BIRC6: variants seen among roughly 807,000 people sequenced by gnomAD.
BIRC6 encodes dual E2 ubiquitin-conjugating enzyme/E3 ubiquitin-protein ligase BIRC6.
Under a neutral mutation model 503.3 loss-of-function variants are expected in BIRC6, and 98 were observed. The ratio of observed to expected loss-of-function variants is 0.19; its 90% CI spans 0.17 to 0.23. The LOEUF (loss-of-function observed/expected upper bound fraction) is 0.23, where lower values mean the gene tolerates loss of function less well. Among genes scored for constraint, BIRC6 ranks in the 10% least tolerant of loss-of-function variants. The probability of loss-of-function intolerance (pLI) is 1.00; values close to 1 mark genes in which losing one functional copy is unlikely to be tolerated. For missense variants in BIRC6, 5,360 were observed against 5,806.0 expected (o/e 0.92, Z 2.50); for synonymous variants, 2,240 against 2,078.7 (o/e 1.08, Z -2.11).
Position 32,545,866 on chromosome 2 carries a change from T to A in BIRC6, c.12810+6T>A. 6.2e-7 allele frequency: 1 copy of A among 1,607,916 alleles called. No homozygotes were observed. The highest frequency in any genetic ancestry group is 8.5e-7 in the Non-Finnish European group (1 of 1,174,548). ...CTAGCGTGAATCAAACTGAGGTAGGTTCACTTTTAATTATTTCAGTTATTA... is the reference window on the plus strand; with the variant it reads ...CTAGCGTGAATCAAACTGAGGTAGGATCACTTTTAATTATTTCAGTTATTA... On this transcript the variant is annotated splice_donor_region_variant and intron_variant, in intron 63 of 73. Transcript: ENST00000421745.
chr2:32,503,996 C>T (rs935636213), intron 49 of BIRC6, among the ~76,000 whole-genome samples: 2 of 117,954 alleles, frequency 1.7e-5, no homozygotes, highest in East Asian at 4.9e-4. Flanking sequence ...GGATTGCAGG[C>T]GTGTTTCACC....
At chr2:32,589,613 A>G (rs1335148116) in intron 66 of BIRC6, among the ~76,000 whole-genome samples, 1 of 152,144 alleles carries the variant, frequency 6.6e-6, no homozygotes, top group Non-Finnish European at 1.5e-5. Flanking sequence ...ATACCCATAT[A>G]TTTCTTTAAA....
At position 32,545,874 on chromosome 2, in the gene BIRC6, TA is replaced by T. The variant is rs763338296; in HGVS notation, c.12810+16del. 1.1e-5 allele frequency: 17 copies of T among 1,600,940 alleles called. No homozygotes were observed. In the East Asian group the frequency reaches 3.8e-4, roughly 36 times the overall value. ...AATCAAACTGAGGTAGGTTCACTTT[TA>T]ATTATTTCAGTTATTAAAAAAACTA... is the stretch of plus-strand genomic sequence containing the variant. On this transcript the variant is annotated intron_variant, in intron 63 of 73. Coordinates refer to ENST00000421745, the MANE Select transcript of BIRC6 (RefSeq NM_016252.4).
intron 63 of BIRC6, among the ~76,000 whole-genome samples, chr2:32,547,263 A>G (rs111561583): frequency 0.052 from 7,933 of 152,166 alleles, 411 homozygotes; most frequent in African/African-American, 0.13. Flanking sequence ...TTAGGCTCTA[A>G]GGTGGTTTAT....
chr2:32,371,635 G>A (rs199500640), intron 1 of BIRC6, among the ~76,000 whole-genome samples: 1 of 151,906 alleles, frequency 6.6e-6, no homozygotes, highest in Non-Finnish European at 1.5e-5. Context: ...CGCCCGCCTC[G>A]GCCTCCCAAA....
chr2:32,530,297 G>A (rs994394275), intron 60 of BIRC6, among the ~76,000 whole-genome samples: 8 of 151,876 alleles, frequency 5.3e-5, no homozygotes, highest in Admixed American at 4.6e-4. Flanking sequence ...TGCAACCTCC[G>A]CCTCCCGAGT....
At chr2:32,586,694 C>T (rs2061058482) in intron 66 of BIRC6, among the ~76,000 whole-genome samples, 1 of 152,112 alleles carries the variant, frequency 6.6e-6, no homozygotes, top group Non-Finnish European at 1.5e-5. Flanking sequence ...CCTGGGATTA[C>T]AAATGTGAGC....
chr2:32,404,667 AATATAT>A (rs964223826), intron 8 of BIRC6, among the ~76,000 whole-genome samples: 8 of 151,478 alleles, frequency 5.3e-5, no homozygotes, highest in African/African-American at 1.9e-4. Context: ...TGATTTTACA[AATATAT>A]ATATATAATT....
At chr2:32,574,717 C>G (rs2060148509) in intron 65 of BIRC6, 1 of 218,696 alleles carries the variant, frequency 4.6e-6, no homozygotes, top group East Asian at 1.2e-4. Flanking sequence ...TATAAGTGGA[C>G]TAGTGCAGTT....
At chr2:32,465,211 TC>T in intron 26 of BIRC6, 47 bp downstream of exon 26, 1 of 938,412 alleles carries the variant, frequency 1.1e-6, no homozygotes, top group East Asian at 3.1e-5. Context: ...TTTTGCTTAG[TC>T]TGCCGGCCTT....
intron 59 of BIRC6, chr2:32,526,958 T>C (rs914226246): frequency 1.3e-5 from 2 of 152,332 alleles, no homozygotes; most frequent in Admixed American, 6.5e-5. Flanking sequence ...CAGAACAGTT[T>C]ATAATGCTGA....
intron 38 of BIRC6, among the ~76,000 whole-genome samples, chr2:32,481,721 A>C (rs900425777): frequency 5.9e-5 from 9 of 151,984 alleles, no homozygotes; most frequent in African/African-American, 2.2e-4. Context: ...AGCCAAGATC[A>C]TGCCACTGCA....
intron 51 of BIRC6, 99 bp from the exon 52 acceptor site, chr2:32,509,639 T>A: frequency 7.2e-7 from 1 of 1,383,436 alleles, no homozygotes; most frequent in Non-Finnish European, 1.0e-6. Context: ...GTTAATGCTG[T>A]TTATGAAACA....
chr2:32,570,829 G>C (rs2059867035), intron 65 of BIRC6, among the ~76,000 whole-genome samples: 1 of 152,028 alleles, frequency 6.6e-6, no homozygotes, highest in South Asian at 2.1e-4. Flanking sequence ...TTGAGGTCTT[G>C]CTCTGTTGCC....
At chr2:32,447,468 C>A (rs1452295697) in intron 21 of BIRC6, among the ~76,000 whole-genome samples, 2 of 126,632 alleles carry the variant, frequency 1.6e-5, no homozygotes, top group African/African-American at 6.0e-5. Context: ...GGCGGCTGGC[C>A]GGGCGGGGGG....
intron 68 of BIRC6, among the ~76,000 whole-genome samples, chr2:32,595,487 T>C (rs1165976174): frequency 6.6e-6 from 1 of 152,204 alleles, no homozygotes; most frequent in African/African-American, 2.4e-5. Flanking sequence ...ACTAAGTCTG[T>C]TACTCTTGCC....
intron 61 of BIRC6, among the ~76,000 whole-genome samples, chr2:32,542,781 G>C (rs774439447): frequency 6.6e-6 from 1 of 152,158 alleles, no homozygotes; most frequent in African/African-American, 2.4e-5. Flanking sequence ...TGTCATGTGC[G>C]TCTTGATGTT....
At chr2:32,470,940 A>C in intron 31 of BIRC6, 74 bp from the exon 32 acceptor site, 17 of 1,428,270 alleles carry the variant, frequency 1.2e-5, no homozygotes, top group Non-Finnish European at 1.6e-5. Flanking sequence ...GTTTTGTTTC[A>C]CTTATATTAT....
chr2:32,362,652 C>T (rs1017143682), intron 1 of BIRC6, among the ~76,000 whole-genome samples: 1 of 152,082 alleles, frequency 6.6e-6, no homozygotes, highest in Non-Finnish European at 1.5e-5. Context: ...AAGCTACACA[C>T]CACTTGACCA....
Sources: allele counts gnomAD v4.1 joint callset (sites outside exome capture counted in the v4.1 genomes callset), GRCh38; gene constraint gnomAD v4.1.1; transcripts MANE v1.5; gene names NCBI Gene and HGNC (gene_info 2026-07-23, HGNC 2026-07-21).